SHC3: variants seen among roughly 807,000 people sequenced by gnomAD.
SHC3 encodes SHC-transforming protein 3.
Under a neutral mutation model 60.4 loss-of-function variants are expected in SHC3, and 15 were observed. The observed-to-expected ratio is 0.25, with a 90% confidence interval of 0.17 to 0.38. The LOEUF (loss-of-function observed/expected upper bound fraction) is 0.38, where lower values mean the gene tolerates loss of function less well. Ranked by LOEUF, SHC3 falls within the 10% of genes least tolerant of loss-of-function variation. SHC3 has a pLI of 1.00. For synonymous variants in SHC3, 294 were observed against 325.9 expected, an observed-to-expected ratio of 0.90 and a Z score of 1.05; for missense variants, 677 against 786.1, an observed-to-expected ratio of 0.86 and a Z score of 1.66.
At chr9:89,014,941 T>C (rs1284715344) in intron 11 of SHC3, among the ~76,000 whole-genome samples, 1 of 152,168 alleles carries the variant, frequency 6.6e-6, no homozygotes, top group Non-Finnish European at 1.5e-5. Context: ...ATTAGAATGT[T>C]TTCCCCCTGC....
At chr9:89,100,074 C>G (rs1029094283) in intron 2 of SHC3, among the ~76,000 whole-genome samples, 4 of 152,096 alleles carry the variant, frequency 2.6e-5, no homozygotes, top group African/African-American at 4.8e-5. Context: ...ACCCAATAAA[C>G]GTTAATTAAA....
At chr9:89,123,723 C>CATA in intron 1 of SHC3, among the ~76,000 whole-genome samples, 1 of 152,130 alleles carries the variant, frequency 6.6e-6, no homozygotes, top group Non-Finnish European at 1.5e-5. Flanking sequence ...CTTTCCTGGC[C>CATA]AGAGGAATTT....
rs557941387 is a variant in SHC3, at chr9:89,109,871, T to C, written c.545+2685A>G. On this transcript the variant is annotated intron_variant, in intron 2 of 11. Coordinates refer to ENST00000375835, the MANE Select transcript of SHC3 (RefSeq NM_016848.6). ...TAACTTCTAAGCAAAGTCTCTCCCATGAAACATCCAACAGAAAAGTATGCA... is the reference window on the plus strand; with the variant it reads ...TAACTTCTAAGCAAAGTCTCTCCCACGAAACATCCAACAGAAAAGTATGCA... The C allele has an allele frequency of 3.2e-5, 32 of 985,470 alleles. No homozygotes were observed. The African/African-American group carries it at 5.1e-4, about 16-fold the overall frequency. 61.0% of individuals were successfully genotyped at this position (985,470 alleles called of 1,614,324 possible).
intron 1 of SHC3, among the ~76,000 whole-genome samples, chr9:89,116,863 A>G (rs1246240224): frequency 1.3e-5 from 2 of 152,176 alleles, no homozygotes; most frequent in Non-Finnish European, 2.9e-5. Context: ...TTTATACCAC[A>G]TCCACCAGCA....
chr9:89,071,781 G>A (rs899066845), intron 4 of SHC3, among the ~76,000 whole-genome samples: 1 of 152,158 alleles, frequency 6.6e-6, no homozygotes, highest in Non-Finnish European at 1.5e-5. Flanking sequence ...GAGGACTCTG[G>A]TCATAAAAAG....
At chr9:89,098,442 T>C (rs1293527005) in intron 2 of SHC3, among the ~76,000 whole-genome samples, 1 of 152,212 alleles carries the variant, frequency 6.6e-6, no homozygotes, top group Non-Finnish European at 1.5e-5. Context: ...AATAACATTG[T>C]CCTCAGGAAA....
chr9:89,047,973 C>T (rs1486895298), intron 7 of SHC3, among the ~76,000 whole-genome samples: 1 of 152,172 alleles, frequency 6.6e-6, no homozygotes, highest in East Asian at 1.9e-4. Context: ...GGGCCGGGCG[C>T]AGTGGCTGAT....
At chr9:89,149,473 A>G (rs189425654) in intron 1 of SHC3, among the ~76,000 whole-genome samples, 5 of 152,260 alleles carry the variant, frequency 3.3e-5, no homozygotes, top group East Asian at 1.9e-4. Context: ...GGCATGATCA[A>G]TCTCTCTGCA....
At chr9:89,158,534 T>G (rs567838222) in intron 1 of SHC3, among the ~76,000 whole-genome samples, 1 of 152,324 alleles carries the variant, frequency 6.6e-6, no homozygotes, top group African/African-American at 2.4e-5. Context: ...TTAGATCCTG[T>G]TGGTTGATTA....
intron 9 of SHC3, among the ~76,000 whole-genome samples, 192 bp downstream of exon 9, chr9:89,045,554 C>T (rs1217988404): frequency 6.6e-6 from 1 of 152,154 alleles, no homozygotes; most frequent in African/African-American, 2.4e-5. Flanking sequence ...GGATTACAGG[C>T]GTGTGCCACC....
Position 89,096,753 on chromosome 9 carries a change from G to GA in SHC3, c.545+15802dup, listed in dbSNP as rs1036891934. ...CTGAAGGTTGTTACAATGTTAGGGG[G>GA]AGACGTGCTACTGGCATCTAGAGAG... On this transcript the variant is annotated intron_variant, in intron 2 of 11. Transcript: ENST00000375835. 9.2e-5 allele frequency among the ~76,000 whole-genome samples: 14 copies of GA among 152,312 alleles called. No individual in the cohort carries two copies. The South Asian group carries it at 1.2e-3, about 14-fold the overall frequency.
intron 2 of SHC3, among the ~76,000 whole-genome samples, chr9:89,094,807 A>C (rs1825676286): frequency 6.6e-6 from 1 of 152,194 alleles, no homozygotes; most frequent in Non-Finnish European, 1.5e-5. Flanking sequence ...AGGAGAGCCA[A>C]TGTCAACTTG....
intron 1 of SHC3, among the ~76,000 whole-genome samples, chr9:89,151,908 C>A (rs1826551297): frequency 6.6e-6 from 1 of 151,702 alleles, no homozygotes; most frequent in Non-Finnish European, 1.5e-5. Context: ...CATGTATTGC[C>A]CTAATAAAAG....
chr9:89,038,381 A>G, intron 10 of SHC3, 93 bp from the exon 11 acceptor site: 1 of 1,363,980 alleles, frequency 7.3e-7, no homozygotes, highest in Admixed American at 2.7e-5. Context: ...AGAGATGGAA[A>G]TGCAAAGGCA....
At chr9:89,035,003 G>T (rs1051202034) in intron 11 of SHC3, among the ~76,000 whole-genome samples, 5 of 152,118 alleles carry the variant, frequency 3.3e-5, no homozygotes, top group African/African-American at 4.8e-5. Context: ...CCATATAAAT[G>T]TTAAACCATC....
intron 1 of SHC3, among the ~76,000 whole-genome samples, chr9:89,117,765 A>T (rs1537145): frequency 0.011 from 1,656 of 152,060 alleles, 31 homozygotes; most frequent in African/African-American, 0.037. Context: ...TTATTTATGC[A>T]TTCATTTATT....
chr9:89,055,369 A>T (rs1321671173), intron 6 of SHC3, among the ~76,000 whole-genome samples: 1 of 152,244 alleles, frequency 6.6e-6, no homozygotes, highest in African/African-American at 2.4e-5. Flanking sequence ...TCATCTAAGC[A>T]CGCTCTCAAC....
chr9:89,153,692 C>T (rs75699077), intron 1 of SHC3, among the ~76,000 whole-genome samples: 170 of 152,364 alleles, frequency 1.1e-3, no homozygotes, highest in African/African-American at 3.9e-3. Context: ...TCACCTTCAG[C>T]AGAACAAATT....
intron 1 of SHC3, among the ~76,000 whole-genome samples, chr9:89,130,609 A>T (rs1826230257): frequency 6.6e-6 from 1 of 152,194 alleles, no homozygotes; most frequent in Admixed American, 6.5e-5. Flanking sequence ...GGATTAAGAA[A>T]CTCACTCAAA....
Sources: gnomAD v4.1 joint callset for allele counts (sites outside exome capture counted in the v4.1 genomes callset) on GRCh38, gnomAD v4.1.1 for gene constraint, MANE v1.5 for transcripts, NCBI Gene and HGNC (gene_info 2026-07-23, HGNC 2026-07-21) for gene names.